Variants in TAPBP observed in about 807,000 individuals in gnomAD.
The protein encoded by TAPBP is TAP binding protein.
In TAPBP, 38 loss-of-function variants were observed where a neutral mutation model predicts 45.7. The ratio of observed to expected loss-of-function variants is 0.83; its 90% CI spans 0.64 to 1.09. The LOEUF (loss-of-function observed/expected upper bound fraction) is 1.09, where lower values mean the gene tolerates loss of function less well. Ranked by LOEUF, TAPBP falls within the 50% of genes least tolerant of loss-of-function variation. TAPBP has a pLI of 0.00. For missense variants in TAPBP, 513 were observed against 587.3 expected, an observed-to-expected ratio of 0.87 and a Z score of 1.31; for synonymous variants, 226 against 254.8, an observed-to-expected ratio of 0.89 and a Z score of 1.08.
chr6:33,305,397 A>T lies in TAPBP; in HGVS notation c.470-10T>A. ...AGGACAGTCAGTACCACTGAGGAAG[A>T]CAGGGAGATGAGGGGTTGGGAGGGG... On this transcript the variant is annotated splice_polypyrimidine_tract_variant and intron_variant, in intron 3 of 7. Coordinates refer to ENST00000434618, the MANE Select transcript of TAPBP (RefSeq NM_003190.5). This position sits in a 1 kb window ranked among gnomAD's most constrained non-coding sequence, Gnocchi z 4.4. The T allele has an allele frequency of 6.6e-7, 1 of 1,510,740 alleles. No individual in the cohort carries two copies. The highest frequency in any genetic ancestry group is 8.8e-7 in the Non-Finnish European group (1 of 1,130,756). 93.6% of individuals were successfully genotyped at this position (1,510,740 alleles called of 1,614,324 possible). A position where few individuals can be genotyped will look rare whatever the true frequency, so the allele number is the denominator to read the frequency against.
At position 33,304,328 on chromosome 6, in the gene TAPBP, C is replaced by A; in HGVS notation, c.1179G>T (p.Gly393=). 1 of 1,607,038 alleles carries A rather than the reference C, an allele frequency of 6.2e-7. No individual in the cohort carries two copies. The highest frequency in any genetic ancestry group is 8.5e-7 in the Non-Finnish European group (1 of 1,175,606). Residue 393 remains glycine (G), a synonymous_variant, in exon 5 of 8, where the codon GGG becomes GGT. Coordinates refer to ENST00000434618, the MANE Select transcript of TAPBP (RefSeq NM_003190.5). ...CCTCCAGGGTGACCTCAGCGCTGCG[C>A]CCCGAGGCAGGCAGGCTGGGATGGT... The part of the protein sequence containing the change: ...RIHHPSLPAS[G]RSAEVTLEVA...
rs1436952124 is a variant in TAPBP, at chr6:33,301,349, A to C, written c.*411T>G. The C allele has an allele frequency of 5.5e-6, 1 of 180,602 alleles. No individual in the cohort carries two copies. The highest frequency in any genetic ancestry group is 1.2e-5 in the Non-Finnish European group (1 of 84,944). 11.2% of individuals were successfully genotyped at this position (180,602 alleles called of 1,614,324 possible). A position where few individuals can be genotyped will look rare whatever the true frequency, so the allele number is the denominator to read the frequency against. ...AGCACTTTGGGAGGCTGAGGTGGGCAGATCACCTGAGGTCAGGAATTCAAG... is the reference window on the plus strand; with the variant it reads ...AGCACTTTGGGAGGCTGAGGTGGGCCGATCACCTGAGGTCAGGAATTCAAG... On this transcript the variant is annotated 3_prime_UTR_variant, in exon 8 of 8. Coordinates refer to ENST00000434618, the MANE Select transcript of TAPBP (RefSeq NM_003190.5).
At position 33,304,461 on chromosome 6, in the gene TAPBP, A is replaced by G. The variant is rs1006835992; in HGVS notation, c.1046T>C (p.Leu349Pro). Residue 349 changes from leucine to proline, a missense_variant, in exon 5 of 8, where the codon CTC becomes CCC. By Grantham distance (98) the Leu-to-Pro change is moderately conservative. Transcript: ENST00000434618. ...RSQKAEGQRW[L>P]SALRHHSDGS... ...ATCGGAATGGTGGCGCAGGGCCGAG[A>G]GCCACCTCTGCCCCTCGGCCTTCTG... 1.2e-6 allele frequency: 2 copies of G among 1,611,934 alleles called. No homozygotes were observed. The highest frequency in any genetic ancestry group is 2.7e-5 in the African/African-American group (2 of 74,864).
At chr6:33,309,922 C>A (rs1769237779) in intron 3 of TAPBP, among the ~76,000 whole-genome samples, 1 of 151,560 alleles carries the variant, frequency 6.6e-6, no homozygotes, top group South Asian at 2.1e-4. Context: ...CGGGGTTTCT[C>A]CATGTTGGTC....
In TAPBP at chr6:33,313,660, G is replaced by C. The variant is rs1180791170; in HGVS notation, c.208+34C>G. On this transcript the variant is annotated intron_variant, in intron 2 of 7. Transcript: ENST00000434618. This position sits in a 1 kb window ranked among gnomAD's most constrained non-coding sequence, Gnocchi z 7.2. ...GGAGGGGGTTTCGGTGGAGGCGACAGAGGTAGGGGGGCGGCGAGTCCCTAG... is the reference window on the plus strand; with the variant it reads ...GGAGGGGGTTTCGGTGGAGGCGACACAGGTAGGGGGGCGGCGAGTCCCTAG... 2.5e-6 allele frequency: 4 copies of C among 1,593,096 alleles called. No homozygotes were observed. The highest frequency in any genetic ancestry group is 3.4e-6 in the Non-Finnish European group (4 of 1,166,250).
chr6:33,313,932 C>T lies in TAPBP; in HGVS notation c.38-68G>A, dbSNP rs373121808. ...GTGACCTGCCCCACTCCCACCCTGGCATCGGCTCCAGTGGGGCCACCTCCC... is the reference window on the plus strand; with the variant it reads ...GTGACCTGCCCCACTCCCACCCTGGTATCGGCTCCAGTGGGGCCACCTCCC... On this transcript the variant is annotated intron_variant, in intron 1 of 7. Transcript: ENST00000434618. The surrounding 1 kb of genome is among the most constrained non-coding windows in gnomAD (Gnocchi z 7.2). The T allele has an allele frequency of 6.2e-7, 1 of 1,612,702 alleles. No individual in the cohort carries two copies. The highest frequency in any genetic ancestry group is 1.7e-5 in the Admixed American group (1 of 59,998).
At chr6:33,302,907 T>A (rs1303317542) in intron 7 of TAPBP, among the ~76,000 whole-genome samples, 1 of 152,172 alleles carries the variant, frequency 6.6e-6, no homozygotes, top group African/African-American at 2.4e-5. Context: ...CCTCCCAAAG[T>A]GCAGGGATTA....
rs1401124489 is a variant in TAPBP at position 33,313,372 on chromosome 6, C to T, written c.314G>A (p.Trp105Ter). The T allele has an allele frequency of 5.0e-6, 8 of 1,613,040 alleles. No homozygotes were observed. The highest frequency in any genetic ancestry group is 6.8e-6 in the Non-Finnish European group (8 of 1,179,758). The change falls in exon 3 of 8, where the codon TGG (tryptophan) becomes TAG (stop). Residue 105 changes from tryptophan (W) to a stop codon, truncating the protein, a stop_gained. Coordinates refer to ENST00000434618, the MANE Select transcript of TAPBP (RefSeq NM_003190.5). LOFTEE classifies it high-confidence loss of function. This position sits in a 1 kb window ranked among gnomAD's most constrained non-coding sequence, Gnocchi z 7.2. ...CTGCGCGGGGGTCAGGCCGCTGGCC[C>T]ATTTCGCAGAGGCGGGGAGAGGCAC... ...RFVPLPASAK[W>*]ASGLTPAQNC...
chr6:33,304,092 A>T (rs774124089), intron 6 of TAPBP, 36 bp downstream of exon 6: 1 of 1,611,324 alleles, frequency 6.2e-7, no homozygotes, highest in African/African-American at 1.3e-5. Context: ...AAGTCCACCA[A>T]CCTCAGGTCA....
chr6:33,304,532 G>A lies in TAPBP; in HGVS notation c.975C>T (p.Gly325=), dbSNP rs562048726. The change falls in exon 5 of 8, where the codon GGC becomes GGT. Residue 325 remains glycine (G), a synonymous_variant. Coordinates refer to ENST00000434618, the MANE Select transcript of TAPBP (RefSeq NM_003190.5). ...CCCGGAGTTCCCACTCCACCTCCAG[G>A]CCCCCAGAAGGGTAGAAGTGGGACA... is the stretch of plus-strand genomic sequence containing the variant. ...CLVSHFYPSG[G]LEVEWELRGG... 1.9e-6 allele frequency: 3 copies of A among 1,612,232 alleles called. No individual in the cohort carries two copies. Among genetic ancestry groups the A allele is most frequent in the Non-Finnish European group, 2.5e-6 (3 of 1,179,902 alleles).
chr6:33,302,144 C>CTTTT (rs70996762), intron 7 of TAPBP, among the ~76,000 whole-genome samples: 21 of 118,656 alleles, frequency 1.8e-4, no homozygotes, highest in Non-Finnish European at 2.6e-4. Context: ...TCTTTTCTTT[C>CTTTT]TTTTTTTTTT....
chr6:33,304,295 A>G lies in TAPBP; in HGVS notation c.1210+2T>C, dbSNP rs771958775. 2.5e-6 allele frequency: 4 copies of G among 1,601,070 alleles called. No homozygotes were observed. In the South Asian group the frequency reaches 4.5e-5, roughly 18 times the overall value. On this transcript the variant is annotated splice_donor_variant, in intron 5 of 7. Coordinates refer to ENST00000434618, the MANE Select transcript of TAPBP (RefSeq NM_003190.5). LOFTEE classifies it high-confidence loss of function. ...AGATTCCGCAGAGCTCCCAGCTCTT[A>G]CCTGCTACCTCCAGGGTGACCTCAG...
intron 7 of TAPBP, chr6:33,303,726 A>C: frequency 6.5e-7 from 1 of 1,546,932 alleles, no homozygotes; most frequent in Non-Finnish European, 8.7e-7. Flanking sequence ...ATTGGACAGC[A>C]CTGCCTAAGT....
rs1769500757 is a variant in TAPBP at position 33,313,292 on chromosome 6, C to T, written c.394G>A (p.Val132Ile). Residue 132 changes from valine to isoleucine, a missense_variant, in exon 3 of 8, where the codon GTC becomes ATC. Val to Ile is a conservative substitution (Grantham distance 29). Transcript: ENST00000434618. The surrounding 1 kb of genome is among the most constrained non-coding windows in gnomAD (Gnocchi z 7.2). ...CGCAAGAGGCTGGAGAGGCTGAGGACTGGGCTGGATATGCTGACCATCAGC... is the reference window on the plus strand; with the variant it reads ...CGCAAGAGGCTGGAGAGGCTGAGGATTGGGCTGGATATGCTGACCATCAGC... ...AWLMVSISSP[V>I]LSLSSLLRPQ... 6.2e-7 allele frequency: 1 copy of T among 1,613,868 alleles called. No individual in the cohort carries two copies. Among genetic ancestry groups the T allele is most frequent in the Non-Finnish European group, 8.5e-7 (1 of 1,179,934 alleles).
At position 33,303,856 on chromosome 6, in the gene TAPBP, G is replaced by C. The variant is rs1412687038; in HGVS notation, c.1335+99C>G. 3 of 1,611,460 alleles carry C rather than the reference G, an allele frequency of 1.9e-6. No individual in the cohort carries two copies. The Admixed American group carries it at 5.0e-5, about 27-fold the overall frequency. On this transcript the variant is annotated intron_variant, in intron 7 of 7. Coordinates refer to ENST00000434618, the MANE Select transcript of TAPBP (RefSeq NM_003190.5). ...AGATCAGTGTGAATTCCAAGCCTAG[G>C]TTCTGCCTACCACACCAGCAGCCTC... is the stretch of plus-strand genomic sequence containing the variant.
Position 33,301,733 on chromosome 6 carries a change from G to A in TAPBP, c.*27C>T, listed in dbSNP as rs1768602041. 1.9e-6 allele frequency: 3 copies of A among 1,607,570 alleles called. No individual in the cohort carries two copies. Among genetic ancestry groups the A allele is most frequent in the Middle Eastern group, 1.6e-4 (1 of 6,068 alleles). On this transcript the variant is annotated 3_prime_UTR_variant, in exon 8 of 8. Transcript: ENST00000434618. ...GAAGCTTGGGCCAGAGATGATGGTG[G>A]CTTCCACAGGATGGCAGTGAGTGCC...
chr6:33,306,845 G>A (rs1769000433), intron 3 of TAPBP, among the ~76,000 whole-genome samples: 1 of 152,070 alleles, frequency 6.6e-6, no homozygotes, highest in Non-Finnish European at 1.5e-5. Context: ...TGGTGTGGTG[G>A]CACATGCCTG....
intron 3 of TAPBP, among the ~76,000 whole-genome samples, chr6:33,310,853 A>T (rs767517218): frequency 1.3e-5 from 2 of 152,212 alleles, no homozygotes; most frequent in Admixed American, 1.3e-4. Context: ...TAAATAAATA[A>T]GCATATTTGT....
chr6:33,311,438 T>G (rs1026420954), intron 3 of TAPBP, among the ~76,000 whole-genome samples: 2 of 151,684 alleles, frequency 1.3e-5, no homozygotes, highest in African/African-American at 4.8e-5. Flanking sequence ...AGACCAGCCT[T>G]ACCAACATGG....
Sources: gnomAD v4.1 joint callset for allele counts (sites outside exome capture counted in the v4.1 genomes callset) on GRCh38, gnomAD v4.1.1 for gene constraint, Gnocchi (gnomAD v3.1) non-coding constraint, MANE v1.5 for transcripts, NCBI Gene and HGNC (gene_info 2026-07-23, HGNC 2026-07-21) for gene names.